PCDH15: variants seen among roughly 807,000 people sequenced by gnomAD.
The protein encoded by PCDH15 is protocadherin related 15.
Under a neutral mutation model 178.5 loss-of-function variants are expected in PCDH15, and 129 were observed. The observed-to-expected ratio is 0.72, with a 90% CI of 0.63 to 0.84. The LOEUF (loss-of-function observed/expected upper bound fraction) is 0.84. PCDH15 is among the 40% of genes least tolerant of loss of function. PCDH15 has a pLI of 0.00. For missense variants in PCDH15, 2,230 were observed against 2,099.9 expected (o/e 1.06, Z -1.21); for synonymous variants, 800 against 732.0 (o/e 1.09, Z -1.50).
chr10:54,117,214 A>C lies in PCDH15; in HGVS notation c.1917+15661T>G, dbSNP rs2095129899. On this transcript the variant is annotated intron_variant, in intron 15 of 37. Coordinates refer to ENST00000644397, the MANE Select transcript of PCDH15 (RefSeq NM_001384140.1). Reference sequence around the variant, plus strand: ...AGGTGAGTGAATGTGGGGTCCAGTCACTGAGCACAGCCAGGCACACTGGCT... The same window carrying C: ...AGGTGAGTGAATGTGGGGTCCAGTCCCTGAGCACAGCCAGGCACACTGGCT... Among the ~76,000 whole-genome samples, 4 of 152,246 alleles carry C rather than the reference A, an allele frequency of 2.6e-5. No individual in the cohort carries two copies. In the South Asian group the frequency reaches 8.3e-4, roughly 32 times the overall value.
At chr10:54,384,879 C>G (rs965047344) in intron 3 of PCDH15, among the ~76,000 whole-genome samples, 1 of 152,078 alleles carries the variant, frequency 6.6e-6, no homozygotes, top group East Asian at 1.9e-4. Flanking sequence ...AAAAGACAAC[C>G]CACATATTCA....
At chr10:54,729,002 G>A (rs1344935509) in intron 1 of PCDH15, among the ~76,000 whole-genome samples, 1 of 151,396 alleles carries the variant, frequency 6.6e-6, no homozygotes, top group Non-Finnish European at 1.5e-5. Context: ...ACTGTCCAAA[G>A]CTACTACAAA....
At chr10:54,966,429 T>A (rs10763157) in intron 2 of PCDH15, among the ~76,000 whole-genome samples, 3 of 151,968 alleles carry the variant, frequency 2.0e-5, no homozygotes, top group African/African-American at 7.2e-5. Flanking sequence ...TACATAAACC[T>A]AGATGGTATA....
At chr10:54,458,932 A>G (rs1284692864) in intron 3 of PCDH15, among the ~76,000 whole-genome samples, 1 of 152,164 alleles carries the variant, frequency 6.6e-6, no homozygotes, top group Non-Finnish European at 1.5e-5. Flanking sequence ...TTCATTCAAC[A>G]TCCTTCCATT....
chr10:54,846,756 C>A (rs867031150), intron 3 of PCDH15, among the ~76,000 whole-genome samples: 15 of 152,182 alleles, frequency 9.9e-5, no homozygotes, highest in Middle Eastern at 3.4e-3. Flanking sequence ...TAAGCCAAAA[C>A]CATTTCCTGC....
chr10:55,544,958 C>A (rs1284194309), intron 2 of PCDH15, among the ~76,000 whole-genome samples: 1 of 152,070 alleles, frequency 6.6e-6, no homozygotes, highest in Admixed American at 6.6e-5. Context: ...AACCTTGGAA[C>A]CAGAAAACTT....
chr10:54,298,929 T>C (rs1466643961), intron 8 of PCDH15, among the ~76,000 whole-genome samples: 2 of 152,338 alleles, frequency 1.3e-5, no homozygotes, highest in East Asian at 3.9e-4. Context: ...TATCTAATCC[T>C]ACATGCCCAT....
At chr10:54,829,016 C>T (rs1243474493) in intron 3 of PCDH15, among the ~76,000 whole-genome samples, 1 of 151,846 alleles carries the variant, frequency 6.6e-6, no homozygotes, top group Non-Finnish European at 1.5e-5. Context: ...TAAAAAACTG[C>T]TGGAAAACAG....
At chr10:55,071,031 T>C (rs2132012962) in intron 2 of PCDH15, among the ~76,000 whole-genome samples, 1 of 152,228 alleles carries the variant, frequency 6.6e-6, no homozygotes, top group African/African-American at 2.4e-5. Flanking sequence ...TAAAATACTT[T>C]ACAGACAAGC....
intron 2 of PCDH15, among the ~76,000 whole-genome samples, chr10:54,563,656 A>G (rs1012623767): frequency 9.2e-5 from 14 of 152,172 alleles, no homozygotes; most frequent in African/African-American, 3.1e-4. Flanking sequence ...AATTAACAAT[A>G]TCTTTTAAAG....
chr10:54,517,738 C>A (rs528714296), intron 3 of PCDH15, among the ~76,000 whole-genome samples: 2 of 152,106 alleles, frequency 1.3e-5, no homozygotes, highest in Non-Finnish European at 2.9e-5. Flanking sequence ...AACTCTTCAC[C>A]CCAAATCAAC....
intron 18 of PCDH15, among the ~76,000 whole-genome samples, chr10:54,035,703 A>G (rs2093400934): frequency 6.6e-6 from 1 of 151,936 alleles, no homozygotes; most frequent in Non-Finnish European, 1.5e-5. Flanking sequence ...TATGGGCTCT[A>G]AGTGTTTAAG....
At chr10:54,123,429 T>C (rs1474499995) in intron 15 of PCDH15, among the ~76,000 whole-genome samples, 3 of 152,102 alleles carry the variant, frequency 2.0e-5, no homozygotes, top group African/African-American at 7.2e-5. Flanking sequence ...AAATGCTTAA[T>C]ATCACTAATC....
At chr10:54,905,633 G>T (rs1042610583) in intron 2 of PCDH15, among the ~76,000 whole-genome samples, 1 of 152,106 alleles carries the variant, frequency 6.6e-6, no homozygotes, top group Non-Finnish European at 1.5e-5. Flanking sequence ...GAGAAGGTAA[G>T]GCTTTTCAAG....
At chr10:53,905,598 A>G (rs907815042) in intron 25 of PCDH15, among the ~76,000 whole-genome samples, 1 of 152,068 alleles carries the variant, frequency 6.6e-6, no homozygotes, top group Non-Finnish European at 1.5e-5. Flanking sequence ...CGGCCTCCCA[A>G]AGTTCTGGGA....
intron 2 of PCDH15, among the ~76,000 whole-genome samples, chr10:55,064,018 T>C (rs930530953): frequency 1.3e-5 from 2 of 152,136 alleles, no homozygotes; most frequent in Non-Finnish European, 2.9e-5. Flanking sequence ...AGCATGATCA[T>C]GTTATGTACA....
At chr10:55,547,910 T>TGTGTGTGAGAGAGAGA (rs541144266) in intron 2 of PCDH15, among the ~76,000 whole-genome samples, 1,139 of 54,332 alleles carry the variant, frequency 0.021, 58 homozygotes, top group Middle Eastern at 0.034. Context: ...TGTGTGTGTG[T>TGTGTGTGAGAGAGAGA]GAGAGAGAGA....
At chr10:53,818,423 T>G (rs2132447610) in intron 33 of PCDH15, 1 of 154,138 alleles carries the variant, frequency 6.5e-6, no homozygotes, top group Non-Finnish European at 1.4e-5. Context: ...AAGAATGTAA[T>G]AAACATAGGA....
In PCDH15 at chr10:54,126,161, C is replaced by A. The variant is rs550523539; in HGVS notation, c.1917+6714G>T. 9.9e-5 allele frequency among the ~76,000 whole-genome samples: 15 copies of A among 151,510 alleles called. No individual in the cohort carries two copies. The East Asian group carries it at 2.9e-3, about 29-fold the overall frequency. ...TCTCAGCTCACTGCAAGCTCCGCCT[C>A]CCAGGTGCAACTGATTCTCCTGCCT... On this transcript the variant is annotated intron_variant, in intron 15 of 37. Coordinates refer to ENST00000644397, the MANE Select transcript of PCDH15 (RefSeq NM_001384140.1).
Sources: gnomAD v4.1 joint callset for allele counts (sites outside exome capture counted in the v4.1 genomes callset) on GRCh38, gnomAD v4.1.1 for gene constraint, MANE v1.5 for transcripts, NCBI Gene and HGNC (gene_info 2026-07-23, HGNC 2026-07-21) for gene names.